The following METAP1D variants were observed in gnomAD, a reference collection of about 807,000 sequenced individuals.
The protein encoded by METAP1D is methionyl aminopeptidase type 1D, mitochondrial, also known as methionine aminopeptidase 1D, mitochondrial.
Under a neutral mutation model 40.5 loss-of-function variants are expected in METAP1D, and 31 were observed. The observed-to-expected ratio is 0.77, with a 90% confidence interval of 0.58 to 1.03. METAP1D has a LOEUF of 1.03. Ranked by LOEUF, METAP1D falls within the 50% of genes least tolerant of loss-of-function variation. The pLI, the probability that METAP1D is intolerant of heterozygous loss-of-function variation, is 0.00. For missense variants in METAP1D, 411 were observed against 420.7 expected (o/e 0.98, Z 0.20); for synonymous variants, 151 against 146.4 (o/e 1.03, Z -0.22).
chr2:172,009,374 G>C (rs1253579112), intron 1 of METAP1D, among the ~76,000 whole-genome samples: 1 of 152,008 alleles, frequency 6.6e-6, no homozygotes, highest in African/African-American at 2.4e-5. Context: ...TTTAGACCTT[G>C]ATTGACCTTG....
intron 1 of METAP1D, among the ~76,000 whole-genome samples, chr2:172,044,543 C>T (rs1369948110): frequency 7.7e-6 from 1 of 130,196 alleles, no homozygotes; most frequent in African/African-American, 2.6e-5. Context: ...GGCAGTGAGC[C>T]GAGATCGTGC....
At chr2:172,006,635 G>A (rs1688593350) in intron 1 of METAP1D, among the ~76,000 whole-genome samples, 1 of 152,166 alleles carries the variant, frequency 6.6e-6, no homozygotes, top group African/African-American at 2.4e-5. Flanking sequence ...CTAGTTTTAA[G>A]CTGAAACAGC....
chr2:172,005,520 T>TTATATATATATA (rs34982215), intron 1 of METAP1D, among the ~76,000 whole-genome samples: 1,511 of 110,778 alleles, frequency 0.014, 22 homozygotes, highest in South Asian at 0.031. Flanking sequence ...TGTCTGTATT[T>TTATATATATATA]TATATATATA....
At chr2:172,048,864 A>G (rs1298297665) in intron 1 of METAP1D, among the ~76,000 whole-genome samples, 2 of 152,222 alleles carry the variant, frequency 1.3e-5, no homozygotes, top group African/African-American at 4.8e-5. Flanking sequence ...GGTGTTGGCT[A>G]AGGTTTTCAA....
At chr2:172,060,326 G>A (rs1690108851) in intron 1 of METAP1D, among the ~76,000 whole-genome samples, 1 of 151,036 alleles carries the variant, frequency 6.6e-6, no homozygotes, top group Non-Finnish European at 1.5e-5. Flanking sequence ...TGAAGTGGGA[G>A]GATTCCTTGA....
chr2:172,045,733 A>ATTTGTG (rs1177519361), intron 1 of METAP1D, among the ~76,000 whole-genome samples: 1 of 70,962 alleles, frequency 1.4e-5, no homozygotes, highest in Admixed American at 1.7e-4. Context: ...GTGTGTGTGT[A>ATTTGTG]TATATATGTG....
Position 172,034,961 on chromosome 2 carries a change from A to G in METAP1D, c.41-26537A>G, listed in dbSNP as rs557328727. On this transcript the variant is annotated intron_variant, in intron 1 of 9. Transcript: ENST00000315796. ...AAATTTATTCCTTCAAAATATAGAG[A>G]AACCCTGATTGTTAGAATTTTTTTC... Among the ~76,000 whole-genome samples, 74 of 151,050 alleles carry G rather than the reference A, an allele frequency of 4.9e-4. 1 individual carries two copies. In the Middle Eastern group the frequency reaches 0.031, roughly 64 times the overall value.
chr2:172,071,568 T>C (rs1055721133), intron 6 of METAP1D, among the ~76,000 whole-genome samples: 1 of 152,232 alleles, frequency 6.6e-6, no homozygotes, highest in African/African-American at 2.4e-5. Flanking sequence ...ACGGTGATCT[T>C]CTGTTCTTTT....
At chr2:172,052,945 T>A (rs1689916949) in intron 1 of METAP1D, among the ~76,000 whole-genome samples, 2 of 152,184 alleles carry the variant, frequency 1.3e-5, no homozygotes, top group African/African-American at 4.8e-5. Context: ...AGCAAATGCA[T>A]AGGTTATTTC....
chr2:172,020,532 C>T (rs1688983104), intron 1 of METAP1D, among the ~76,000 whole-genome samples: 1 of 152,124 alleles, frequency 6.6e-6, no homozygotes, highest in Non-Finnish European at 1.5e-5. Flanking sequence ...AGTGTTTGCA[C>T]AATGTGTCCA....
chr2:172,030,244 C>T (rs1689209659), intron 1 of METAP1D, among the ~76,000 whole-genome samples: 1 of 151,806 alleles, frequency 6.6e-6, no homozygotes, highest in African/African-American at 2.4e-5. Context: ...CATGTGCCAC[C>T]ATGCCTGGCT....
intron 5 of METAP1D, among the ~76,000 whole-genome samples, chr2:172,066,786 G>T (rs766251427): frequency 6.6e-6 from 1 of 152,144 alleles, no homozygotes; most frequent in Non-Finnish European, 1.5e-5. Context: ...GGGCTACATT[G>T]GCCTGTGTAT....
At chr2:172,015,341 G>A (rs1688831984) in intron 1 of METAP1D, among the ~76,000 whole-genome samples, 1 of 152,280 alleles carries the variant, frequency 6.6e-6, no homozygotes, top group East Asian at 1.9e-4. Context: ...GAACCCAGGA[G>A]GTGGAGGTTG....
intron 6 of METAP1D, among the ~76,000 whole-genome samples, chr2:172,076,504 A>G (rs1020982304): frequency 6.6e-6 from 1 of 152,238 alleles, no homozygotes; most frequent in African/African-American, 2.4e-5. Flanking sequence ...ACAACGTAAG[A>G]GATAAAAACC....
chr2:172,063,074 G>C (rs1200041007), intron 2 of METAP1D, among the ~76,000 whole-genome samples: 1 of 152,182 alleles, frequency 6.6e-6, no homozygotes, highest in Non-Finnish European at 1.5e-5. Flanking sequence ...TGCACGTCTT[G>C]AGTTTTGGGG....
chr2:172,078,885 G>A (rs1690621423), intron 7 of METAP1D, among the ~76,000 whole-genome samples: 1 of 152,194 alleles, frequency 6.6e-6, no homozygotes, highest in Admixed American at 6.5e-5. Context: ...CCCAGTAGTA[G>A]GCTGGGAGAC....
intron 7 of METAP1D, among the ~76,000 whole-genome samples, chr2:172,078,956 G>A (rs1416281231): frequency 1.3e-5 from 2 of 152,138 alleles, no homozygotes; most frequent in African/African-American, 4.8e-5. Context: ...AAACAACCAG[G>A]CTGCCCCTGC....
intron 1 of METAP1D, among the ~76,000 whole-genome samples, chr2:172,020,823 A>G (rs763223412): frequency 1.4e-4 from 21 of 152,226 alleles, no homozygotes; most frequent in Non-Finnish European, 2.4e-4. Flanking sequence ...TAAATAAGCC[A>G]TACTTTAAAA....
intron 1 of METAP1D, among the ~76,000 whole-genome samples, chr2:172,021,007 A>G (rs570173333): frequency 2.0e-5 from 3 of 152,288 alleles, no homozygotes; most frequent in South Asian, 2.1e-4. Flanking sequence ...TTGTGTTTAT[A>G]TAATTTTTTT....
Sources: gnomAD v4.1 joint callset for allele counts (sites outside exome capture counted in the v4.1 genomes callset) on GRCh38, gnomAD v4.1.1 for gene constraint, MANE v1.5 for transcripts, NCBI Gene and HGNC (gene_info 2026-07-23, HGNC 2026-07-21) for gene names.